The following CSNK2A2IP variants were observed in gnomAD, a reference collection of about 807,000 sequenced individuals.
CSNK2A2IP encodes casein kinase II subunit alpha'-interacting protein.
At chr3:88,392,619 C>A in the CSNK2A2IP span, among the ~76,000 whole-genome samples, 1 of 152,186 alleles carries the variant, frequency 6.6e-6, no homozygotes, top group African/African-American at 2.4e-5. Flanking sequence ...GTACAATAAA[C>A]ACATTGCAAT....
the CSNK2A2IP span, among the ~76,000 whole-genome samples, chr3:88,461,213 G>A: frequency 6.6e-5 from 10 of 152,168 alleles, no homozygotes; most frequent in Non-Finnish European, 1.3e-4. Context: ...GCTATTGATT[G>A]ACAGTTGATT....
At chr3:88,450,337 AC>A in the CSNK2A2IP span, among the ~76,000 whole-genome samples, 1 of 152,142 alleles carries the variant, frequency 6.6e-6, no homozygotes, top group East Asian at 1.9e-4. Context: ...TACTCATTTA[AC>A]ATGAATCCTC....
chr3:88,451,518 C>G, the CSNK2A2IP span, among the ~76,000 whole-genome samples: 1 of 151,386 alleles, frequency 6.6e-6, no homozygotes, highest in African/African-American at 2.4e-5. Context: ...AACTCAATAA[C>G]CTCAGTCATC....
the CSNK2A2IP span, among the ~76,000 whole-genome samples, chr3:88,408,097 A>C: frequency 6.6e-6 from 1 of 152,220 alleles, no homozygotes; most frequent in Admixed American, 6.5e-5. Context: ...GTTGAACAGA[A>C]ATAAATTAAT....
At chr3:88,364,186 C>T in the CSNK2A2IP span, among the ~76,000 whole-genome samples, 1 of 152,142 alleles carries the variant, frequency 6.6e-6, no homozygotes, top group African/African-American at 2.4e-5. Context: ...GTGTAAATTT[C>T]ACTTCATATG....
the CSNK2A2IP span, among the ~76,000 whole-genome samples, chr3:88,458,944 G>T: frequency 6.6e-6 from 1 of 152,090 alleles, no homozygotes; most frequent in Non-Finnish European, 1.5e-5. Flanking sequence ...CCACTTAAAA[G>T]AACAATTTGG....
At chr3:88,379,681 GA>G in the CSNK2A2IP span, among the ~76,000 whole-genome samples, 1 of 152,022 alleles carries the variant, frequency 6.6e-6, no homozygotes, top group South Asian at 2.1e-4. Context: ...GAAAACAGGG[GA>G]AAAGGTCATA....
At chr3:88,458,140 G>GTT in the CSNK2A2IP span, among the ~76,000 whole-genome samples, 8 of 104,320 alleles carry the variant, frequency 7.7e-5, no homozygotes, top group African/African-American at 3.0e-4. Flanking sequence ...TTGTAATTGT[G>GTT]GTTTTTTTTT....
chr3:88,362,131 T>A, the CSNK2A2IP span, among the ~76,000 whole-genome samples: 2 of 152,110 alleles, frequency 1.3e-5, no homozygotes, highest in Non-Finnish European at 2.9e-5. Context: ...GGAGAGGTCA[T>A]GTTTTTTCTG....
the CSNK2A2IP span, among the ~76,000 whole-genome samples, chr3:88,437,312 T>C: frequency 1.3e-5 from 2 of 152,200 alleles, no homozygotes; most frequent in African/African-American, 4.8e-5. Flanking sequence ...TTTATCTTAC[T>C]GGAGGGCCAT....
the CSNK2A2IP span, among the ~76,000 whole-genome samples, chr3:88,351,434 A>C: frequency 1.3e-5 from 2 of 152,016 alleles, no homozygotes; most frequent in Admixed American, 6.6e-5. Context: ...AAATTATTAT[A>C]ATATATATTG....
the CSNK2A2IP span, among the ~76,000 whole-genome samples, chr3:88,357,518 T>G: frequency 2.6e-5 from 4 of 152,184 alleles, no homozygotes; most frequent in Admixed American, 6.5e-5. Context: ...TAGTTTGATC[T>G]CCAACTTTGT....
At chr3:88,449,062 T>C in the CSNK2A2IP span, among the ~76,000 whole-genome samples, 3 of 152,072 alleles carry the variant, frequency 2.0e-5, no homozygotes, top group African/African-American at 7.2e-5. Flanking sequence ...TCTTCTCTCC[T>C]TCCTCCTTCC....
At chr3:88,363,506 G>A in the CSNK2A2IP span, among the ~76,000 whole-genome samples, 1 of 152,038 alleles carries the variant, frequency 6.6e-6, no homozygotes, top group African/African-American at 2.4e-5. Flanking sequence ...TTATTTTGGG[G>A]ATCAGTTTCA....
At chr3:88,378,750 A>T in the CSNK2A2IP span, among the ~76,000 whole-genome samples, 1 of 152,012 alleles carries the variant, frequency 6.6e-6, no homozygotes. Context: ...TCTAAGGGAA[A>T]GAATTGGCAT....
At chr3:88,360,373 T>A in the CSNK2A2IP span, among the ~76,000 whole-genome samples, 1 of 152,268 alleles carries the variant, frequency 6.6e-6, no homozygotes. Flanking sequence ...GACCTTGTGA[T>A]CCACCCGCCT....
chr3:88,420,977 A>G, the CSNK2A2IP span, among the ~76,000 whole-genome samples: 1 of 152,128 alleles, frequency 6.6e-6, no homozygotes, highest in South Asian at 2.1e-4. Flanking sequence ...AAACACTAAG[A>G]GATACATTTA....
chr3:88,441,744 C>CT, the CSNK2A2IP span, among the ~76,000 whole-genome samples: 2 of 151,984 alleles, frequency 1.3e-5, no homozygotes, highest in African/African-American at 4.8e-5. Flanking sequence ...TAAAGTCTTC[C>CT]TTTTTTATTC....
the CSNK2A2IP span, among the ~76,000 whole-genome samples, chr3:88,372,145 T>C: frequency 6.6e-6 from 1 of 151,736 alleles, no homozygotes; most frequent in East Asian, 1.9e-4. Flanking sequence ...ATTTTCAATT[T>C]TTTAAAAGAT....
Sources: allele counts gnomAD v4.1 joint callset (sites outside exome capture counted in the v4.1 genomes callset), GRCh38; gene constraint gnomAD v4.1.1; transcripts MANE v1.5; gene names NCBI Gene and HGNC (gene_info 2026-07-23, HGNC 2026-07-21).